FCSK: variants seen among roughly 807,000 people sequenced by gnomAD.
FCSK encodes L-fucose kinase.
A neutral mutation model predicts 122.5 loss-of-function variants in FCSK; 123 were observed. The ratio of observed to expected loss-of-function variants is 1.00; its 90% confidence interval spans 0.87 to 1.17. The LOEUF (loss-of-function observed/expected upper bound fraction) is 1.17. FCSK is among the 50% of genes most tolerant of loss of function. FCSK has a pLI of 0.00. For missense variants in FCSK, 1,366 were observed against 1,450.4 expected (o/e 0.94, Z 0.95); for synonymous variants, 620 against 625.5 (o/e 0.99, Z 0.13).
At position 70,470,282 on chromosome 16, in the gene FCSK, T is replaced by C. The variant is rs757418113; in HGVS notation, c.956-32T>C. 3.4e-6 allele frequency: 5 copies of C among 1,471,600 alleles called. No homozygotes were observed. The Admixed American group carries it at 8.6e-5, about 25-fold the overall frequency. The allele number at this position is 1,471,600 out of a possible 1,614,324, so 91.2% of individuals were successfully genotyped here. On this transcript the variant is annotated intron_variant, in intron 10 of 23. Coordinates refer to ENST00000288078, the MANE Select transcript of FCSK (RefSeq NM_145059.3). Reference sequence around the variant, plus strand: ...CCTGGCCCCTGAGTCGCAGCAGGCATGGGGTTGGGTTCAGTACTTATGTCT... The same window carrying C: ...CCTGGCCCCTGAGTCGCAGCAGGCACGGGGTTGGGTTCAGTACTTATGTCT...
In FCSK at chr16:70,475,465, G is replaced by C; in HGVS notation, c.2493G>C (p.Trp831Cys). 6.2e-7 allele frequency: 1 copy of C among 1,605,506 alleles called. No individual in the cohort carries two copies. Among genetic ancestry groups the C allele is most frequent in the South Asian group, 1.1e-5 (1 of 91,048 alleles). ...TFGGGFELHT[W>C]SELPHGSGLG... is the part of the protein sequence containing the mutation. The stretch of plus-strand genomic sequence containing the variant: ...GGGGCGGCTTTGAGCTGCACACCTG[G>C]TCTGAGCTGCCCCACGGCTCTGGCC... Residue 831 changes from tryptophan to cysteine, a missense_variant, in exon 19 of 24, where the codon TGG becomes TGC. Transcript: ENST00000288078.
Position 70,478,339 on chromosome 16 carries a change from GCTGCCA to G in FCSK, c.2713_2718del (p.Pro905_Leu906del). 6.2e-7 allele frequency: 1 copy of G among 1,614,212 alleles called. No homozygotes were observed. The highest frequency in any genetic ancestry group is 1.1e-5 in the South Asian group (1 of 91,088). ...TCAAGGTGGGGCGCTCCCGGGCTCA[GCTGCCA>G]CTGAAGGTGGAGGTAGAAGAGGTCA... On this transcript the variant is annotated inframe_deletion, in exon 21 of 24. Coordinates refer to ENST00000288078, the MANE Select transcript of FCSK (RefSeq NM_145059.3).
At chr16:70,462,886 C>T (rs1454316823) in intron 1 of FCSK, among the ~76,000 whole-genome samples, 1 of 152,104 alleles carries the variant, frequency 6.6e-6, no homozygotes, top group Non-Finnish European at 1.5e-5. Context: ...CTCAGGTGAT[C>T]CCCCCACCTC....
intron 6 of FCSK, 92 bp from the exon 7 acceptor site, chr16:70,467,282 G>A: frequency 1.2e-6 from 1 of 818,014 alleles, no homozygotes; most frequent in Non-Finnish European, 2.0e-6. Context: ...GTGCCCAGGT[G>A]CCGCAGCCCT....
rs1177174505 is a variant in FCSK at position 70,475,664 on chromosome 16, G to A, written c.2538G>A (p.Leu846=). The change falls in exon 20 of 24, where the codon CTG becomes CTA. Residue 846 remains leucine, a synonymous_variant. Transcript: ENST00000288078. ...GCCCTGCAGGCACCAGCAGCATCCT[G>A]GCAGGCACTGCCCTGGCTGCCTTGC... ...HGSGLGTSSI[L]AGTALAALQR... 1 of 1,598,584 alleles carries A rather than the reference G, an allele frequency of 6.3e-7. No homozygotes were observed. The highest frequency in any genetic ancestry group is 8.5e-7 in the Non-Finnish European group (1 of 1,171,398).
Position 70,471,077 on chromosome 16 carries a change from G to T in FCSK, c.1170+5G>T. 1 of 1,597,970 alleles carries T rather than the reference G, an allele frequency of 6.3e-7. No individual in the cohort carries two copies. Among genetic ancestry groups the T allele is most frequent in the Non-Finnish European group, 8.5e-7 (1 of 1,174,902 alleles). ...CTGCAGCACTGCCACCTGCAGGTGA[G>T]GCCTGAGCGTGTGGGCAGATTGGGG... On this transcript the variant is annotated splice_donor_5th_base_variant and intron_variant, in intron 12 of 23. Transcript: ENST00000288078.
rs2048945594 is a variant in FCSK, at chr16:70,479,932, C to G, written c.*252C>G. On this transcript the variant is annotated 3_prime_UTR_variant, in exon 24 of 24. Coordinates refer to ENST00000288078, the MANE Select transcript of FCSK (RefSeq NM_145059.3). ...GTCCCAAGCTTAGTATCCCACGTGGCCTTTACAAATCCTATGGCTGGCCTT... is the reference window on the plus strand; with the variant it reads ...GTCCCAAGCTTAGTATCCCACGTGGGCTTTACAAATCCTATGGCTGGCCTT... 7.8e-6 allele frequency: 3 copies of G among 384,888 alleles called. No individual in the cohort carries two copies. Among genetic ancestry groups the G allele is most frequent in the Non-Finnish European group, 4.7e-6 (1 of 211,580 alleles). The allele number at this position is 384,888 out of a possible 1,614,324, so 23.8% of individuals were successfully genotyped here.
chr16:70,473,127 G>C lies in FCSK; in HGVS notation c.1551G>C (p.Glu517Asp). 4 of 1,573,774 alleles carry C rather than the reference G, an allele frequency of 2.5e-6. No homozygotes were observed. Among genetic ancestry groups the C allele is most frequent in the Non-Finnish European group, 3.4e-6 (4 of 1,161,528 alleles). ...WMLDHQEDGG[E>D]ALRAWRASWR... is the part of the protein sequence containing the mutation. ...TGGACCACCAGGAGGATGGGGGCGA[G>C]GCCCTGCGAGCCTGGCGGGCCTCCT... Residue 517 changes from glutamate (E) to aspartate (D), a missense_variant, in exon 15 of 24, where the codon GAG becomes GAC. Glu to Asp is a conservative substitution (Grantham distance 45). Transcript: ENST00000288078. This position sits in a 1 kb window ranked among gnomAD's most constrained non-coding sequence, Gnocchi z 4.9.
chr16:70,467,400 GC>G lies in FCSK; in HGVS notation c.513del (p.Arg172GlufsTer2), dbSNP rs919923568. ...PGISWDSFRG[A>X]RVIALPGSPA... Reference sequence around the variant, plus strand: ...TATCAGCTGGGACAGCTTCCGGGGAGCCAGAGTGATCGCCCTCCCAGGGAGC... The same window carrying G: ...TATCAGCTGGGACAGCTTCCGGGGAGCAGAGTGATCGCCCTCCCAGGGAGC... On this transcript the variant is annotated frameshift_variant, in exon 7 of 24. Transcript: ENST00000288078. LOFTEE classifies it high-confidence loss of function. The G allele has an allele frequency of 9.3e-6, 15 of 1,610,524 alleles. No individual in the cohort carries two copies. In the Admixed American group the frequency reaches 2.3e-4, roughly 25 times the overall value.
chr16:70,471,314 C>T lies in FCSK; in HGVS notation c.1303C>T (p.His435Tyr). 1.2e-6 allele frequency: 2 copies of T among 1,600,104 alleles called. No homozygotes were observed. Among genetic ancestry groups the T allele is most frequent in the Non-Finnish European group, 1.7e-6 (2 of 1,173,632 alleles). ...HHTRLHGSPG[H>Y]AFTLVGRLDS... ...CACGCGGCTACACGGCTCCCCGGGC[C>T]ACGCCTTCACCCTCGTTGGCCGTCT... Residue 435 changes from histidine to tyrosine, a missense_variant, in exon 13 of 24, where the codon CAC becomes TAC. By Grantham distance (83) the His-to-Tyr change is moderately conservative. Transcript: ENST00000288078.
At chr16:70,465,709 T>C (rs1216745302) in intron 4 of FCSK, among the ~76,000 whole-genome samples, 1 of 152,054 alleles carries the variant, frequency 6.6e-6, no homozygotes, top group African/African-American at 2.4e-5. Context: ...CACACAGCGC[T>C]TTGGGAGGTT....
rs2048655042 is a variant in FCSK, at chr16:70,472,464, T to C, written c.1342-77T>C. 3 of 1,188,946 alleles carry C rather than the reference T, an allele frequency of 2.5e-6. No homozygotes were observed. In the East Asian group the frequency reaches 7.3e-5, roughly 29 times the overall value. The allele number at this position is 1,188,946 out of a possible 1,614,324, so 73.6% of individuals were successfully genotyped here. On this transcript the variant is annotated intron_variant, in intron 13 of 23. Transcript: ENST00000288078. ...GCCCTCATGTGAGCACTTGAGCAGC[T>C]CCTGGCCCCCTGGCCGAGTGTCTCT...
In FCSK at chr16:70,471,037, G is replaced by T; in HGVS notation, c.1135G>T (p.Gly379Cys). 1 of 1,603,244 alleles carries T rather than the reference G, an allele frequency of 6.2e-7. No homozygotes were observed. The highest frequency in any genetic ancestry group is 8.5e-7 in the Non-Finnish European group (1 of 1,177,028). ...SCLLEGPVQL[G>C]PGSVLQHCHL... ...CCTGCTGGAGGGCCCTGTCCAGCTG[G>T]GTCCTGGGAGCGTCCTGCAGCACTG... Residue 379 changes from glycine to cysteine, a missense_variant, in exon 12 of 24, where the codon GGT becomes TGT. By Grantham distance (159) the Gly-to-Cys change is radical (BLOSUM62 -3). Coordinates refer to ENST00000288078, the MANE Select transcript of FCSK (RefSeq NM_145059.3).
At position 70,466,240 on chromosome 16, in the gene FCSK, G is replaced by A; in HGVS notation, c.394G>A (p.Asp132Asn). The A allele has an allele frequency of 6.2e-7, 1 of 1,614,004 alleles. No individual in the cohort carries two copies. Residue 132 changes from aspartate to asparagine, a missense_variant, in exon 5 of 24, where the codon GAC (aspartate) becomes AAC (asparagine). Transcript: ENST00000288078. ...GGTCTGCAACCTGGACTGCCTGCTG[G>A]ACATCATGACCTATCGGGTGAGGCT... ...ALVCNLDCLLDIMTYRLGPGS... is the reference protein window; with the variant it reads ...ALVCNLDCLLNIMTYRLGPGS...
At chr16:70,472,292 C>T (rs2048650463) in intron 13 of FCSK, among the ~76,000 whole-genome samples, 1 of 152,118 alleles carries the variant, frequency 6.6e-6, no homozygotes, top group South Asian at 2.1e-4. Flanking sequence ...AGAAATTGCT[C>T]CATGGCTGGG....
At chr16:70,466,849 C>A in intron 5 of FCSK, 33 bp from the exon 6 acceptor site, 1 of 1,598,882 alleles carries the variant, frequency 6.3e-7, no homozygotes, top group Admixed American at 1.7e-5. Flanking sequence ...CTGGGCCAGG[C>A]ACCAGCTGTG....
intron 20 of FCSK, among the ~76,000 whole-genome samples, chr16:70,476,532 G>A (rs1427312454): frequency 2.0e-5 from 3 of 151,500 alleles, no homozygotes; most frequent in African/African-American, 7.3e-5. Flanking sequence ...TGTCACCAGC[G>A]CCAGGCTTCT....
At position 70,463,608 on chromosome 16, in the gene FCSK, C is replaced by G. The variant is rs531713325; in HGVS notation, c.83-15C>G. The G allele has an allele frequency of 8.1e-6, 13 of 1,612,862 alleles. No individual in the cohort carries two copies. In the Admixed American group the frequency reaches 8.3e-5, roughly 10 times the overall value. ...AGAGCTGGGGGGCAGGTCCCAGTGT[C>G]TCTTCTGACCCTAGAACTGGAAGTG... On this transcript the variant is annotated splice_polypyrimidine_tract_variant and intron_variant, in intron 2 of 23. Transcript: ENST00000288078.
intron 11 of FCSK, 80 bp downstream of exon 11, chr16:70,470,506 G>A (rs866948912): frequency 1.8e-5 from 16 of 873,054 alleles, no homozygotes; most frequent in Middle Eastern, 4.7e-4. Flanking sequence ...GAAAATAGCC[G>A]GCACTTGGAA....
Sources: gnomAD v4.1 joint callset for allele counts (sites outside exome capture counted in the v4.1 genomes callset) on GRCh38, gnomAD v4.1.1 for gene constraint, Gnocchi (gnomAD v3.1) non-coding constraint, MANE v1.5 for transcripts, NCBI Gene and HGNC (gene_info 2026-07-23, HGNC 2026-07-21) for gene names.